COL11A1: variants seen among roughly 807,000 people sequenced by gnomAD.
COL11A1 encodes collagen alpha-1(XI) chain.
COL11A1 carries 74 observed loss-of-function variants against 265.2 expected under a neutral mutation model. That is an observed-to-expected ratio of 0.28 (90% CI 0.23 to 0.34). COL11A1 has a LOEUF of 0.34. Among genes scored for constraint, COL11A1 ranks in the 10% least tolerant of loss-of-function variants. COL11A1 has a pLI of 1.00. For synonymous variants in COL11A1, 816 were observed against 727.6 expected (o/e 1.12, Z -1.96); for missense variants, 2,165 against 2,263.6 (o/e 0.96, Z 0.88).
chr1:103,026,275 C>G lies in COL11A1; in HGVS notation c.838G>C (p.Glu280Gln). 1 of 1,613,780 alleles carries G rather than the reference C, an allele frequency of 6.2e-7. No homozygotes were observed. The highest frequency in any genetic ancestry group is 2.2e-5 in the East Asian group (1 of 44,856). The part of the protein sequence containing the change: ...DYEYGEAEYK[E>Q]AESVTEGPTV... ...GGTCCCTCTGTTACACTTTCAGCCT[C>G]TTTATACTCTGCTTCCCCATACTCA... is the stretch of plus-strand genomic sequence containing the variant. Residue 280 changes from glutamate (E) to glutamine (Q), a missense_variant, in exon 6 of 67, where the codon GAG becomes CAG. Coordinates refer to ENST00000370096, the MANE Select transcript of COL11A1 (RefSeq NM_001854.4).
intron 4 of COL11A1, among the ~76,000 whole-genome samples, chr1:103,036,417 T>C (rs1025793965): frequency 1.4e-5 from 2 of 147,804 alleles, no homozygotes; most frequent in Non-Finnish European, 3.0e-5. Flanking sequence ...GCATCATGTA[T>C]GTTTATAGTA....
Position 102,946,948 on chromosome 1 carries a change from T to C in COL11A1, c.3177A>G (p.Pro1059=). 1 of 1,612,018 alleles carries C rather than the reference T, an allele frequency of 6.2e-7. No homozygotes were observed. The highest frequency in any genetic ancestry group is 8.5e-7 in the Non-Finnish European group (1 of 1,179,006). ...PQGPPGPVGS[P]GERGSAGTAG... ...CTGTACCTGCTGACCCACGTTCTCC[T>C]GGTGAGCCCTAGTATACAGGAAAAG... is the stretch of plus-strand genomic sequence containing the variant. Residue 1059 remains proline (P), a synonymous_variant, in exon 42 of 67, where the codon CCA becomes CCG. Transcript: ENST00000370096.
chr1:103,105,365 G>T (rs552446650), intron 1 of COL11A1, among the ~76,000 whole-genome samples: 1 of 152,048 alleles, frequency 6.6e-6, no homozygotes, highest in East Asian at 1.9e-4. Flanking sequence ...CTAAATCACA[G>T]CAAGGATTGA....
chr1:103,003,286 A>G lies in COL11A1; in HGVS notation c.1945-18T>C, dbSNP rs747902244. On this transcript the variant is annotated intron_variant, in intron 20 of 66. Transcript: ENST00000370096. ...CGTGGGCCCTAGGAGAAAAAGAAAA[A>G]GCACGCCTTTATTAAAAAAAAAAAA... 6.2e-7 allele frequency: 1 copy of G among 1,610,860 alleles called. No individual in the cohort carries two copies. The highest frequency in any genetic ancestry group is 2.2e-5 in the East Asian group (1 of 44,832).
intron 1 of COL11A1, among the ~76,000 whole-genome samples, chr1:103,096,561 A>T (rs1055553993): frequency 4.6e-5 from 7 of 151,998 alleles, no homozygotes; most frequent in Non-Finnish European, 1.0e-4. Flanking sequence ...GCAGTCAAGT[A>T]TGCAAGTCTG....
intron 4 of COL11A1, among the ~76,000 whole-genome samples, chr1:103,072,035 G>A (rs563364369): frequency 2.6e-5 from 4 of 151,610 alleles, no homozygotes; most frequent in Admixed American, 2.6e-4. Flanking sequence ...GCTATATGCT[G>A]GGATTCAAAA....
chr1:103,035,793 A>C (rs1668321163), intron 4 of COL11A1, among the ~76,000 whole-genome samples: 1 of 151,442 alleles, frequency 6.6e-6, no homozygotes, highest in South Asian at 2.1e-4. Context: ...AATAATATAA[A>C]TAACTGATAA....
At chr1:102,970,143 T>A in intron 37 of COL11A1, 76 bp downstream of exon 37, 1 of 1,170,770 alleles carries the variant, frequency 8.5e-7, no homozygotes, top group Non-Finnish European at 1.3e-6. Context: ...ATGTTCATAA[T>A]AAAGTAGCTT....
chr1:103,060,110 A>AG (rs998282502), intron 4 of COL11A1, among the ~76,000 whole-genome samples: 4 of 152,132 alleles, frequency 2.6e-5, no homozygotes, highest in African/African-American at 9.6e-5. Flanking sequence ...AAGAACCCAG[A>AG]GGGGAAAAAA....
chr1:103,079,066 C>T (rs1238604362), intron 2 of COL11A1, among the ~76,000 whole-genome samples, 195 bp from the exon 3 acceptor site: 1 of 152,106 alleles, frequency 6.6e-6, no homozygotes, highest in Admixed American at 6.6e-5. Flanking sequence ...TATAGTCAAA[C>T]TTTAAAGACA....
chr1:103,047,302 A>C lies in COL11A1; in HGVS notation c.652-16058T>G, dbSNP rs532423869. On this transcript the variant is annotated intron_variant, in intron 4 of 66. Transcript: ENST00000370096. ...TTTCATTGAGCAGTGGTTTGTAGTTATCCTTGAAGAGGTCCTTCACATCCC... is the reference window on the plus strand; with the variant it reads ...TTTCATTGAGCAGTGGTTTGTAGTTCTCCTTGAAGAGGTCCTTCACATCCC... Among the ~76,000 whole-genome samples the C allele has an allele frequency of 2.2e-4, 34 of 152,130 alleles. 1 individual carries two copies. In the East Asian group the frequency reaches 4.5e-3, roughly 20 times the overall value.
chr1:102,912,263 C>T, intron 53 of COL11A1, 51 bp from the exon 54 acceptor site: 1 of 1,470,070 alleles, frequency 6.8e-7, no homozygotes, highest in Non-Finnish European at 9.3e-7. Flanking sequence ...TATTTTGTGG[C>T]CCACATAAAT....
At position 103,031,192 on chromosome 1, in the gene COL11A1, T is replaced by G. The variant is rs1461000076; in HGVS notation, c.704A>C (p.Tyr235Ser). 1.2e-6 allele frequency: 2 copies of G among 1,611,440 alleles called. No individual in the cohort carries two copies. Among genetic ancestry groups the G allele is most frequent in the South Asian group, 2.2e-5 (2 of 91,044 alleles). Residue 235 changes from tyrosine (Y) to serine (S), a missense_variant, in exon 5 of 67, where the codon TAC becomes TCC. Physicochemically the swap from Tyr to Ser is moderately radical, Grantham distance 144 (BLOSUM62 -2). Transcript: ENST00000370096. ...ITGDPKAAYD[Y>S]CEHYSPDCDS... ...ACAGTCTGGACTATAATGCTCACAG[T>G]AGTCATATGCTGCCTTGGGATCACC...
At chr1:102,995,720 G>C in intron 28 of COL11A1, 144 bp downstream of exon 28, 1 of 702,180 alleles carries the variant, frequency 1.4e-6, no homozygotes, top group Non-Finnish European at 2.5e-6. Context: ...TTTAAGTTGT[G>C]AGGATAAAGA....
chr1:103,031,045 A>G (rs1288856976), intron 5 of COL11A1, 71 bp downstream of exon 5: 4 of 1,534,620 alleles, frequency 2.6e-6, no homozygotes, highest in Non-Finnish European at 3.6e-6. Context: ...AATAAGTATA[A>G]GTTCAAAAAC....
At chr1:102,923,614 A>T (rs1656241242) in intron 46 of COL11A1, among the ~76,000 whole-genome samples, 1 of 152,020 alleles carries the variant, frequency 6.6e-6, no homozygotes, top group South Asian at 2.1e-4. Flanking sequence ...ATAATATTAT[A>T]TTGTTTATTT....
In COL11A1 at chr1:102,947,391, G is replaced by A. The variant is rs556241535; in HGVS notation, c.3169-435C>T. On this transcript the variant is annotated intron_variant, in intron 41 of 66. Coordinates refer to ENST00000370096, the MANE Select transcript of COL11A1 (RefSeq NM_001854.4). The stretch of plus-strand genomic sequence containing the variant: ...GTAATTTCTAGGCTTTTTTTCAAAT[G>A]TGCTGAACCAAGGTTTCAAAATAAA... 6.3e-4 allele frequency among the ~76,000 whole-genome samples: 96 copies of A among 151,900 alleles called. 1 individual carries two copies. The Middle Eastern group carries it at 0.01, about 16-fold the overall frequency.
intron 63 of COL11A1, chr1:102,884,426 A>C (rs1650681045): frequency 6.6e-6 from 1 of 152,230 alleles, no homozygotes; most frequent in Admixed American, 6.5e-5. Context: ...AATTGGTTGC[A>C]GCTGGTGCCA....
rs780380227 is a variant in COL11A1, at chr1:102,876,954, G to A, written c.*1065C>T. ...TTGTTGGGCAAGTAAAATAATTTTC[G>A]AGACTGTTATAATATGCAACTTAGA... On this transcript the variant is annotated 3_prime_UTR_variant, in exon 67 of 67. Coordinates refer to ENST00000370096, the MANE Select transcript of COL11A1 (RefSeq NM_001854.4). The A allele has an allele frequency of 2.6e-5, 4 of 152,382 alleles. No homozygotes were observed. Among genetic ancestry groups the A allele is most frequent in the Middle Eastern group, 6.5e-3 (2 of 308 alleles). 9.4% of individuals were successfully genotyped at this position (152,382 alleles called of 1,614,324 possible).
Sources: allele counts gnomAD v4.1 joint callset (sites outside exome capture counted in the v4.1 genomes callset), GRCh38; gene constraint gnomAD v4.1.1; transcripts MANE v1.5; gene names NCBI Gene and HGNC (gene_info 2026-07-23, HGNC 2026-07-21).